The following ZFHX3 variants were observed in gnomAD, a reference collection of about 807,000 sequenced individuals.
ZFHX3 encodes the protein zinc finger homeobox protein 3.
ZFHX3 carries 42 observed loss-of-function variants against 279.1 expected under a neutral mutation model. The observed-to-expected ratio is 0.15, with a 90% CI of 0.12 to 0.19. ZFHX3 has a LOEUF of 0.19. Among genes scored for constraint, ZFHX3 ranks in the 10% least tolerant of loss-of-function variants. The pLI, the probability that ZFHX3 is intolerant of heterozygous loss-of-function variation, is 1.00. For missense variants in ZFHX3, 4,981 were observed against 4,754.0 expected (o/e 1.05, Z -1.40); for synonymous variants, 2,293 against 1,957.8 (o/e 1.17, Z -4.52).
At chr16:73,847,550 T>A (rs1465489786) in intron 1 of ZFHX3, among the ~76,000 whole-genome samples, 1 of 152,120 alleles carries the variant, frequency 6.6e-6, no homozygotes, top group African/African-American at 2.4e-5. Flanking sequence ...TAGAGTGACA[T>A]CCCACATCCA....
chr16:73,434,147 A>G (rs1055870373), intron 3 of ZFHX3, among the ~76,000 whole-genome samples: 1 of 152,150 alleles, frequency 6.6e-6, no homozygotes, highest in Non-Finnish European at 1.5e-5. Flanking sequence ...AGGCCCATCT[A>G]TTTGCTGATC....
rs955865797 is a variant in ZFHX3 at position 73,204,049 on chromosome 16, A to AT, written c.-1104+52997dup. ...AAAAGATTCCTCTCCGAATTTCAAG[A>AT]TTTTTTTTTTAGTAAATAAACAGTT... On this transcript the variant is annotated intron_variant, in intron 5 of 17. Transcript: ENST00000641206. Among the ~76,000 whole-genome samples the AT allele has an allele frequency of 1.4e-3, 217 of 149,864 alleles. 3 individuals are homozygous for AT. The highest frequency in any genetic ancestry group is 4.8e-3 in the African/African-American group (196 of 40,984).
At chr16:73,738,703 A>G (rs2053628939) in intron 1 of ZFHX3, among the ~76,000 whole-genome samples, 3 of 152,148 alleles carry the variant, frequency 2.0e-5, no homozygotes, top group Admixed American at 2.0e-4. Context: ...AGGTTGCTCA[A>G]AGACACCATT....
chr16:73,133,444 A>T (rs549589645), intron 6 of ZFHX3, among the ~76,000 whole-genome samples: 2 of 151,398 alleles, frequency 1.3e-5, no homozygotes, highest in South Asian at 4.2e-4. Flanking sequence ...ATTACTTGAG[A>T]CTCTGTCTCA....
At chr16:73,367,145 T>A (rs568892642) in intron 3 of ZFHX3, among the ~76,000 whole-genome samples, 2 of 152,264 alleles carry the variant, frequency 1.3e-5, no homozygotes, top group East Asian at 1.9e-4. Flanking sequence ...AAGGAATCTC[T>A]TACTAAAATC....
At chr16:73,273,859 T>C (rs1450254191) in intron 4 of ZFHX3, among the ~76,000 whole-genome samples, 4 of 152,176 alleles carry the variant, frequency 2.6e-5, no homozygotes, top group African/African-American at 7.2e-5. Flanking sequence ...TTTAAATTTG[T>C]AGGCCGGATG....
intron 1 of ZFHX3, among the ~76,000 whole-genome samples, chr16:73,885,991 G>A (rs908037721): frequency 3.3e-5 from 5 of 152,152 alleles, no homozygotes; most frequent in African/African-American, 9.7e-5. Flanking sequence ...CCATATGCCT[G>A]TATACTGTCA....
At chr16:72,885,496 C>A (rs370452425) in intron 4 of ZFHX3, among the ~76,000 whole-genome samples, 2 of 152,352 alleles carry the variant, frequency 1.3e-5, no homozygotes, top group African/African-American at 4.8e-5. Flanking sequence ...ATGAACTGGA[C>A]CGACTGGCAA....
chr16:73,750,420 C>T (rs898286531), intron 1 of ZFHX3, among the ~76,000 whole-genome samples: 3 of 152,104 alleles, frequency 2.0e-5, no homozygotes, highest in Non-Finnish European at 2.9e-5. Flanking sequence ...TTGCAGATGA[C>T]ACTAAATTGG....
chr16:72,866,780 A>C (rs1304023918), intron 4 of ZFHX3, among the ~76,000 whole-genome samples: 7 of 152,178 alleles, frequency 4.6e-5, no homozygotes, highest in African/African-American at 1.2e-4. Flanking sequence ...ACCTCTTTGA[A>C]CATCTTCAGT....
In ZFHX3 at chr16:73,555,814, A is replaced by C. The variant is rs548470363; in HGVS notation, c.-1546-99556T>G. On this transcript the variant is annotated intron_variant, in intron 2 of 17. Coordinates refer to the ZFHX3 transcript ENST00000641206. ...GCCACTGTACTCCAGCCTAGGCAAC[A>C]AGAGCAAAACTCCATCTCAAAAAAA... 3.2e-4 allele frequency among the ~76,000 whole-genome samples: 48 copies of C among 151,884 alleles called. 1 individual carries two copies. Among genetic ancestry groups the C allele is most frequent in the African/African-American group, 1.1e-3 (47 of 41,420 alleles).
At chr16:73,324,550 A>G (rs2015642646) in intron 3 of ZFHX3, among the ~76,000 whole-genome samples, 1 of 152,232 alleles carries the variant, frequency 6.6e-6, no homozygotes, top group African/African-American at 2.4e-5. Flanking sequence ...TTCTCATTAC[A>G]TGATGGAGAA....
chr16:73,155,518 A>G, intron 5 of ZFHX3, among the ~76,000 whole-genome samples: 1 of 152,232 alleles, frequency 6.6e-6, no homozygotes, highest in South Asian at 2.1e-4. Context: ...ATAATGACAC[A>G]ATGATATAAT....
intron 5 of ZFHX3, among the ~76,000 whole-genome samples, chr16:73,172,986 CTGTTTTTT>C (rs1230781294): frequency 2.1e-5 from 1 of 47,148 alleles, no homozygotes; most frequent in Non-Finnish European, 3.6e-5. Flanking sequence ...CCTGATGGGA[CTGTTTTTT>C]TGTTTTTTTT....
At chr16:72,978,886 C>T (rs1962471494) in intron 1 of ZFHX3, among the ~76,000 whole-genome samples, 1 of 152,234 alleles carries the variant, frequency 6.6e-6, no homozygotes, top group East Asian at 1.9e-4. Context: ...ATGTGCCAGG[C>T]ACTGTGCTAG....
At chr16:73,770,443 AC>A (rs566745628) in intron 1 of ZFHX3, among the ~76,000 whole-genome samples, 67 of 152,330 alleles carry the variant, frequency 4.4e-4, no homozygotes, top group Admixed American at 1.8e-3. Flanking sequence ...ATTGCCTTAA[AC>A]CACTATGCTT....
intron 3 of ZFHX3, among the ~76,000 whole-genome samples, chr16:72,944,220 C>T (rs893819765): frequency 2.0e-5 from 3 of 152,036 alleles, no homozygotes; most frequent in Non-Finnish European, 2.9e-5. Flanking sequence ...GGGAGGCAGA[C>T]GTTGCAGCCA....
intron 3 of ZFHX3, among the ~76,000 whole-genome samples, chr16:73,325,872 T>C (rs1360812717): frequency 2.0e-5 from 3 of 149,656 alleles, no homozygotes; most frequent in Non-Finnish European, 4.4e-5. Context: ...CCCAGAATTA[T>C]GGAGTTTGGT....
intron 8 of ZFHX3, among the ~76,000 whole-genome samples, chr16:73,090,888 G>T (rs1404433025): frequency 1.5e-5 from 2 of 136,226 alleles, no homozygotes; most frequent in Non-Finnish European, 3.0e-5. Flanking sequence ...TCCAGCCTGG[G>T]AGACAGAGTA....
Sources: allele counts gnomAD v4.1 joint callset (sites outside exome capture counted in the v4.1 genomes callset), GRCh38; gene constraint gnomAD v4.1.1; transcripts MANE v1.5; gene names NCBI Gene and HGNC (gene_info 2026-07-23, HGNC 2026-07-21).